Variants in MICAL3 observed in about 807,000 individuals in gnomAD.
The protein encoded by MICAL3 is microtubule associated monooxygenase, calponin and LIM domain containing 3, also known as [F-actin]-monooxygenase MICAL3.
In MICAL3, 62 loss-of-function variants were observed where a neutral mutation model predicts 207.4. That is an observed-to-expected ratio of 0.30 (90% CI 0.24 to 0.37). MICAL3 has a LOEUF of 0.37. Among genes scored for constraint, MICAL3 ranks in the 10% least tolerant of loss-of-function variants. The pLI, the probability that MICAL3 is intolerant of heterozygous loss-of-function variation, is 1.00. For synonymous variants in MICAL3, 1,077 were observed against 1,069.3 expected (o/e 1.01, Z -0.14); for missense variants, 2,368 against 2,635.6 (o/e 0.90, Z 2.22).
chr22:17,891,593 T>C lies in MICAL3; in HGVS notation c.1586A>G (p.Gln529Arg). The change falls in exon 12 of 32, where the codon CAG (glutamine) becomes CGG (arginine). Residue 529 changes from glutamine to arginine, a missense_variant. By Grantham distance (43) the Gln-to-Arg change is conservative. Around this residue, in one of 4 missense-constraint regions of MICAL3, gnomAD observed 147 missense variants for 137.7 expected, o/e 1.07. Transcript: ENST00000441493. ...CCCTGCATAGCCATCTGTCTGCCTCTGGCACCAACCCAGCAGTTTGCTTGA... is the reference window on the plus strand; with the variant it reads ...CCCTGCATAGCCATCTGTCTGCCTCCGGCACCAACCCAGCAGTTTGCTTGA... ...ARSSKLLGWC[Q>R]RQTDGYAGVN... 2 of 1,614,022 alleles carry C rather than the reference T, an allele frequency of 1.2e-6. No homozygotes were observed.
intron 16 of MICAL3, among the ~76,000 whole-genome samples, chr22:17,883,596 C>A (rs60878765): frequency 7.2e-5 from 11 of 152,190 alleles, no homozygotes; most frequent in Non-Finnish European, 1.0e-4. Context: ...AGCTGTGACA[C>A]GGAGGAAACG....
At chr22:17,862,998 C>T (rs1219331069) in intron 19 of MICAL3, 5 of 985,346 alleles carry the variant, frequency 5.1e-6, no homozygotes, top group Middle Eastern at 5.2e-4. Context: ...AGGGCTCTGA[C>T]TCTTTCTTGG....
chr22:17,810,871 G>T, intron 27 of MICAL3, 58 bp from the exon 28 acceptor site: 1 of 1,416,584 alleles, frequency 7.1e-7, no homozygotes, highest in Admixed American at 1.7e-5. Context: ...GGACAGGGGT[G>T]GGCAGCAGGC....
chr22:17,865,278 C>T (rs9605419), intron 18 of MICAL3, among the ~76,000 whole-genome samples: 2,417 of 152,186 alleles, frequency 0.016, 37 homozygotes, highest in Non-Finnish European at 0.023. Context: ...AGGTGCACCT[C>T]TTCCTGCCAG....
At chr22:17,876,769 A>AGCTT (rs1569108962) in intron 16 of MICAL3, 1 of 140,190 alleles carries the variant, frequency 7.1e-6, no homozygotes, top group Non-Finnish European at 1.5e-5. Context: ...GAGGTTAGGG[A>AGCTT]AGTTATGGAG....
chr22:17,825,840 A>G (rs1922123367), intron 22 of MICAL3, among the ~76,000 whole-genome samples: 1 of 152,198 alleles, frequency 6.6e-6, no homozygotes, highest in South Asian at 2.1e-4. Flanking sequence ...CCCCTCGGTG[A>G]GAAACACACA....
chr22:17,848,663 ACTC>A (rs1924894602), intron 19 of MICAL3, among the ~76,000 whole-genome samples: 1 of 151,914 alleles, frequency 6.6e-6, no homozygotes. Flanking sequence ...GGACTTCACC[ACTC>A]CTCTGGTCAA....
At chr22:17,876,627 G>C (rs1414629890) in intron 16 of MICAL3, 1 of 152,690 alleles carries the variant, frequency 6.5e-6, no homozygotes, top group East Asian at 1.9e-4. Flanking sequence ...AGCAGTCAGA[G>C]CCAAGGGGAG....
intron 16 of MICAL3, chr22:17,876,745 T>G: frequency 6.7e-6 from 1 of 149,192 alleles, no homozygotes; most frequent in African/African-American, 2.5e-5. Flanking sequence ...CTTATGGAGG[T>G]TAGGGAGGTT....
intron 1 of MICAL3, among the ~76,000 whole-genome samples, chr22:17,953,034 C>A (rs1934425244): frequency 1.3e-5 from 2 of 152,200 alleles, no homozygotes; most frequent in Non-Finnish European, 2.9e-5. Context: ...GTGACGGCAA[C>A]TTCAACCAAA....
chr22:17,836,001 G>A (rs1375432880), intron 20 of MICAL3, among the ~76,000 whole-genome samples: 1 of 152,262 alleles, frequency 6.6e-6, no homozygotes, highest in East Asian at 1.9e-4. Flanking sequence ...ATCAGAAGGT[G>A]CTGGCTATTC....
chr22:17,925,981 G>GA lies in MICAL3; in HGVS notation c.-74-19096dup, dbSNP rs756605548. The stretch of plus-strand genomic sequence containing the variant: ...ATCAAAGAAATAAAATAAAATTTAT[G>GA]AAAAAAAATGTTTTGACTTGGAAAA... On this transcript the variant is annotated intron_variant, in intron 1 of 31. Transcript: ENST00000441493. 5.9e-5 allele frequency among the ~76,000 whole-genome samples: 9 copies of GA among 152,024 alleles called. No homozygotes were observed. In the South Asian group the frequency reaches 1.5e-3, roughly 25 times the overall value.
intron 16 of MICAL3, chr22:17,875,600 A>C: frequency 1.6e-6 from 2 of 1,282,508 alleles, no homozygotes; most frequent in Non-Finnish European, 1.1e-6. Context: ...GGAAATGTTA[A>C]ATTAAGTCAC....
chr22:17,841,468 T>G lies in MICAL3; in HGVS notation c.2801+354A>C. ...CCCTCAAGACGGCCCGGTGCACTGG[T>G]GGCTGAATCACCCAGAGTCCCTCCC... On this transcript the variant is annotated intron_variant, in intron 20 of 31. Transcript: ENST00000441493. The surrounding 1 kb of genome is among the most constrained non-coding windows in gnomAD (Gnocchi z 4.2). 4.3e-6 allele frequency: 2 copies of G among 461,952 alleles called. No homozygotes were observed. Among genetic ancestry groups the G allele is most frequent in the East Asian group, 3.2e-5 (1 of 31,704 alleles). 28.6% of individuals were successfully genotyped at this position (461,952 alleles called of 1,614,324 possible).
intron 1 of MICAL3, among the ~76,000 whole-genome samples, chr22:17,973,033 A>G (rs1362852913): frequency 6.6e-6 from 1 of 152,236 alleles, no homozygotes; most frequent in Non-Finnish European, 1.5e-5. Flanking sequence ...GCCCTCAGCC[A>G]TGCCCAATAG....
At chr22:17,982,826 A>G (rs1935987296) in intron 1 of MICAL3, among the ~76,000 whole-genome samples, 1 of 152,208 alleles carries the variant, frequency 6.6e-6, no homozygotes, top group Non-Finnish European at 1.5e-5. Flanking sequence ...TCCCTGAGGT[A>G]CTTCTTCCAC....
At chr22:17,871,420 C>T (rs75286316) in intron 17 of MICAL3, among the ~76,000 whole-genome samples, 3,001 of 152,272 alleles carry the variant, frequency 0.02, 44 homozygotes, top group Non-Finnish European at 0.03. Flanking sequence ...TCTGAGAACC[C>T]AGGGGCCTGA....
At chr22:17,988,496 C>T (rs1921284894) in intron 1 of MICAL3, among the ~76,000 whole-genome samples, 1 of 152,202 alleles carries the variant, frequency 6.6e-6, no homozygotes, top group Non-Finnish European at 1.5e-5. Flanking sequence ...ACTCTGTCGC[C>T]CAGGCTGGAG....
intron 1 of MICAL3, among the ~76,000 whole-genome samples, chr22:17,912,735 C>T (rs575924436): frequency 5.1e-4 from 77 of 152,240 alleles, no homozygotes; most frequent in African/African-American, 1.8e-3. Flanking sequence ...CTGGTGGAAT[C>T]TGTAGGATTT....
Sources: gnomAD v4.1 joint callset for allele counts (sites outside exome capture counted in the v4.1 genomes callset) on GRCh38, gnomAD v4.1.1 for gene constraint, gnomAD v4.1.1 regional missense constraint, Gnocchi (gnomAD v3.1) non-coding constraint, MANE v1.5 for transcripts, NCBI Gene and HGNC (gene_info 2026-07-23, HGNC 2026-07-21) for gene names.